Variants in JHY observed in about 807,000 individuals in gnomAD.
The protein encoded by JHY is jhy protein homolog.
JHY carries 69 observed loss-of-function variants against 78.0 expected under a neutral mutation model. The ratio of observed to expected loss-of-function variants is 0.88; its 90% CI spans 0.73 to 1.08. The LOEUF is 1.08. JHY is among the 50% of genes least tolerant of loss of function. The pLI is 0.00. For missense variants in JHY, 944 were observed against 927.8 expected, an observed-to-expected ratio of 1.02 and a Z score of -0.23; for synonymous variants, 368 against 342.6, an observed-to-expected ratio of 1.07 and a Z score of -0.82.
intron 2 of JHY, among the ~76,000 whole-genome samples, chr11:122,894,177 C>T (rs1013275887): frequency 1.9e-4 from 29 of 151,978 alleles, no homozygotes; most frequent in Middle Eastern, 3.4e-3. Context: ...AAAAATTAGC[C>T]GGGCCCATAA....
chr11:122,961,093 ATCTATCCC>A lies in JHY; in HGVS notation c.*1649_*1656del. ...CATGCACAGCCAGTTATGTAAATGT[ATCTATCCC>A]AATTGAGAGAGCCAGAAACAGTTGA... is the stretch of plus-strand genomic sequence containing the variant. On this transcript the variant is annotated 3_prime_UTR_variant, in exon 9 of 9. Coordinates refer to ENST00000227349, the MANE Select transcript of JHY (RefSeq NM_024806.4). 9.9e-7 allele frequency: 1 copy of A among 1,014,638 alleles called. No individual in the cohort carries two copies. The highest frequency in any genetic ancestry group is 1.3e-5 in the South Asian group (1 of 76,490). 62.9% of individuals were successfully genotyped at this position (1,014,638 alleles called of 1,614,324 possible). A position where few individuals can be genotyped will look rare whatever the true frequency, so the allele number is the denominator to read the frequency against.
intron 3 of JHY, chr11:122,906,019 G>C (rs1365371234): frequency 6.6e-6 from 1 of 152,086 alleles, no homozygotes. Flanking sequence ...AATAGGTGTA[G>C]TATATATAGC....
At chr11:122,901,967 A>G (rs1228836794) in intron 2 of JHY, among the ~76,000 whole-genome samples, 3 of 152,182 alleles carry the variant, frequency 2.0e-5, no homozygotes, top group Non-Finnish European at 4.4e-5. Context: ...GGTTCGAATC[A>G]TCAATATCAC....
Position 122,959,667 on chromosome 11 carries a change from CAGTT to C in JHY, c.*225_*228del, listed in dbSNP as rs1864271386. 4.0e-6 allele frequency: 2 copies of C among 503,374 alleles called. No individual in the cohort carries two copies. Among genetic ancestry groups the C allele is most frequent in the Admixed American group, 7.3e-5 (2 of 27,536 alleles). 31.2% of individuals were successfully genotyped at this position (503,374 alleles called of 1,614,324 possible). A position where few individuals can be genotyped will look rare whatever the true frequency, so the allele number is the denominator to read the frequency against. ...TTTTTTAAATTATTTATTTTCAAATCAGTTAGAATTGGAGCTGAATAATAACTAG... is the reference window on the plus strand; with the variant it reads ...TTTTTTAAATTATTTATTTTCAAATCAGAATTGGAGCTGAATAATAACTAG... On this transcript the variant is annotated 3_prime_UTR_variant, in exon 9 of 9. Coordinates refer to ENST00000227349, the MANE Select transcript of JHY (RefSeq NM_024806.4).
At chr11:122,923,711 CTATTTATATTTATT>C (rs1472872563) in intron 3 of JHY, among the ~76,000 whole-genome samples, 1 of 127,020 alleles carries the variant, frequency 7.9e-6, no homozygotes, top group Non-Finnish European at 1.5e-5. Context: ...ATTTATTTAT[CTATTTATATTTATT>C]TATTTATTTT....
At chr11:122,931,225 A>T (rs1370185594) in intron 4 of JHY, among the ~76,000 whole-genome samples, 1 of 152,236 alleles carries the variant, frequency 6.6e-6, no homozygotes, top group East Asian at 1.9e-4. Context: ...GAAAAAAATT[A>T]AAAGTTCCCC....
Position 122,923,673 on chromosome 11 carries a change from T to G in JHY, c.865-1224T>G, listed in dbSNP as rs553860332. ...CATGGTTCCCAAACCTGCCTGCAGATTAGACCCACCTGGGGAGCTTTTTAT... is the reference window on the plus strand; with the variant it reads ...CATGGTTCCCAAACCTGCCTGCAGAGTAGACCCACCTGGGGAGCTTTTTAT... On this transcript the variant is annotated intron_variant, in intron 3 of 8. Coordinates refer to ENST00000227349, the MANE Select transcript of JHY (RefSeq NM_024806.4). 9.7e-4 allele frequency among the ~76,000 whole-genome samples: 147 copies of G among 152,186 alleles called. 3 individuals carry two copies. In the South Asian group the frequency reaches 0.03, roughly 31 times the overall value.
chr11:122,946,468 T>G, intron 5 of JHY, 30 bp from the exon 6 acceptor site: 1 of 1,541,018 alleles, frequency 6.5e-7, no homozygotes, highest in Non-Finnish European at 8.7e-7. Context: ...ATTTTATTAA[T>G]AGATTTGTGC....
intron 5 of JHY, among the ~76,000 whole-genome samples, chr11:122,942,079 T>C (rs1863885256): frequency 1.3e-5 from 2 of 151,778 alleles, no homozygotes; most frequent in Admixed American, 1.3e-4. Context: ...GCCATGTTGG[T>C]TAGGCTGGTC....
chr11:122,949,621 A>G (rs997822094), intron 6 of JHY, among the ~76,000 whole-genome samples: 4 of 151,836 alleles, frequency 2.6e-5, no homozygotes. Context: ...TCAGCTCACA[A>G]CCCTAGAGTT....
In JHY at chr11:122,957,474, G is replaced by T; in HGVS notation, c.2122G>T (p.Ala708Ser). The change falls in exon 8 of 9, where the codon GCT (alanine) becomes TCT (serine). Residue 708 changes from alanine (A) to serine (S), a missense_variant. Transcript: ENST00000227349. ...PQTEKTQKKS[A>S]IPRQKALEYA... ...AACAGAAAAAACTCAAAAGAAATCT[G>T]CTATCCCTCGGCAGAAGGTAAGAAA... is the stretch of plus-strand genomic sequence containing the variant. 1.3e-6 allele frequency: 2 copies of T among 1,521,700 alleles called. No homozygotes were observed. Among genetic ancestry groups the T allele is most frequent in the Non-Finnish European group, 1.7e-6 (2 of 1,144,708 alleles). The allele number at this position is 1,521,700 out of a possible 1,614,324, so 94.3% of individuals were successfully genotyped here.
intron 2 of JHY, among the ~76,000 whole-genome samples, chr11:122,894,843 G>A (rs1424765283): frequency 6.6e-6 from 1 of 152,154 alleles, no homozygotes; most frequent in African/African-American, 2.4e-5. Context: ...GGCCTCTTTA[G>A]TGTGTTCCTA....
chr11:122,958,990 T>C (rs1280450231), intron 8 of JHY: 2 of 985,280 alleles, frequency 2.0e-6, no homozygotes, highest in African/African-American at 3.5e-5. Flanking sequence ...CTCAGTTTTA[T>C]GACAAAAGCA....
chr11:122,915,259 C>T (rs1863211163), intron 3 of JHY, among the ~76,000 whole-genome samples: 1 of 152,130 alleles, frequency 6.6e-6, no homozygotes, highest in Non-Finnish European at 1.5e-5. Flanking sequence ...TTAAATGACC[C>T]AGACTGCTAT....
intron 3 of JHY, among the ~76,000 whole-genome samples, chr11:122,922,763 T>C (rs549640653): frequency 0.019 from 2,768 of 144,380 alleles, 71 homozygotes; most frequent in African/African-American, 0.068. Flanking sequence ...TGAGCCGAGA[T>C]TGTGCCACTG....
intron 6 of JHY, chr11:122,947,047 C>T: frequency 2.7e-6 from 1 of 371,628 alleles, no homozygotes; most frequent in South Asian, 4.5e-5. Flanking sequence ...GAGAGGTCTC[C>T]ATTTGCAGAG....
intron 3 of JHY, chr11:122,905,683 C>T (rs1166685371): frequency 2.8e-6 from 2 of 708,668 alleles, no homozygotes; most frequent in African/African-American, 3.9e-5. Flanking sequence ...GCCTGGCCAA[C>T]ATGGTGAAAC....
At chr11:122,926,993 CCA>C in intron 4 of JHY, 1 of 152,284 alleles carries the variant, frequency 6.6e-6, no homozygotes, top group East Asian at 1.9e-4. Flanking sequence ...CTAAGGAAAG[CCA>C]TAGGATTCTC....
At chr11:122,920,605 T>C (rs1397057910) in intron 3 of JHY, among the ~76,000 whole-genome samples, 1 of 152,216 alleles carries the variant, frequency 6.6e-6, no homozygotes, top group Non-Finnish European at 1.5e-5. Context: ...GATGAGTTTC[T>C]TTGAGCAAGA....
Sources: allele counts gnomAD v4.1 joint callset (sites outside exome capture counted in the v4.1 genomes callset), GRCh38; gene constraint gnomAD v4.1.1; transcripts MANE v1.5; gene names NCBI Gene and HGNC (gene_info 2026-07-23, HGNC 2026-07-21).